The following RAB6A variants were observed in gnomAD, a reference collection of about 807,000 sequenced individuals.
RAB6A encodes the protein ras-related protein Rab-6A.
A neutral mutation model predicts 32.3 loss-of-function variants in RAB6A; 8 were observed. That is an observed-to-expected ratio of 0.25 (90% CI 0.15 to 0.45). The LOEUF (loss-of-function observed/expected upper bound fraction) is 0.45. Among genes scored for constraint, RAB6A ranks in the 20% least tolerant of loss-of-function variants. The probability of loss-of-function intolerance (pLI) is 1.00; values close to 1 mark genes in which losing one functional copy is unlikely to be tolerated. For missense variants in RAB6A, 104 were observed against 249.4 expected (o/e 0.42, Z 3.93); for synonymous variants, 73 against 82.1 (o/e 0.89, Z 0.60).
At chr11:73,723,084 T>C (rs1029993694) in intron 2 of RAB6A, among the ~76,000 whole-genome samples, 1 of 151,918 alleles carries the variant, frequency 6.6e-6, no homozygotes, top group Non-Finnish European at 1.5e-5. Flanking sequence ...GCCAGGATTA[T>C]AGGCATGAGC....
At chr11:73,760,295 G>A (rs892541252) in intron 1 of RAB6A, among the ~76,000 whole-genome samples, 1 of 152,144 alleles carries the variant, frequency 6.6e-6, no homozygotes, top group African/African-American at 2.4e-5. Flanking sequence ...GGCGGGGTGA[G>A]GTCTGGGGAG....
chr11:73,728,504 G>A (rs1946255850), intron 2 of RAB6A, among the ~76,000 whole-genome samples: 1 of 151,486 alleles, frequency 6.6e-6, no homozygotes, highest in Admixed American at 6.6e-5. Context: ...CAGGTGTGGT[G>A]GCTCATGCCT....
intron 2 of RAB6A, among the ~76,000 whole-genome samples, chr11:73,726,735 G>A (rs140680699): frequency 6.7e-6 from 1 of 150,094 alleles, no homozygotes; most frequent in Admixed American, 6.6e-5. Context: ...GGGTGACAGA[G>A]TGAAACCCTG....
chr11:73,760,427 G>C, intron 1 of RAB6A, 139 bp downstream of exon 1: 3 of 1,154,354 alleles, frequency 2.6e-6, no homozygotes, highest in Non-Finnish European at 3.6e-6. Context: ...GGCACCGGGG[G>C]GCACATCGGG....
At chr11:73,695,976 G>C (rs958368759) in intron 6 of RAB6A, among the ~76,000 whole-genome samples, 1 of 152,060 alleles carries the variant, frequency 6.6e-6, no homozygotes, top group African/African-American at 2.4e-5. Context: ...CACTGGAGAA[G>C]GAGATTTCAA....
chr11:73,708,329 T>C (rs535682145), intron 5 of RAB6A, among the ~76,000 whole-genome samples: 81 of 152,166 alleles, frequency 5.3e-4, no homozygotes, highest in African/African-American at 1.9e-3. Context: ...CCACCACACC[T>C]GAATAATTTT....
At chr11:73,698,849 A>ATT (rs555410867) in intron 6 of RAB6A, among the ~76,000 whole-genome samples, 1,945 of 118,238 alleles carry the variant, frequency 0.016, 75 homozygotes, top group South Asian at 0.054. Flanking sequence ...TTTTTTTGCG[A>ATT]TTTTTTTTTT....
intron 6 of RAB6A, among the ~76,000 whole-genome samples, chr11:73,704,927 CG>C (rs1169341361): frequency 6.6e-6 from 1 of 151,260 alleles, no homozygotes; most frequent in African/African-American, 2.4e-5. Flanking sequence ...ACCTGGGAGG[CG>C]GAGCTTGCAG....
chr11:73,681,415 G>A (rs1027032571), intron 6 of RAB6A, among the ~76,000 whole-genome samples: 1 of 152,196 alleles, frequency 6.6e-6, no homozygotes, highest in African/African-American at 2.4e-5. Context: ...TGCATAAAAT[G>A]CTCAGGGTTT....
chr11:73,711,829 CA>C (rs1484779338), intron 5 of RAB6A, among the ~76,000 whole-genome samples: 9 of 152,188 alleles, frequency 5.9e-5, no homozygotes, highest in African/African-American at 1.9e-4. Context: ...GAATCTGAGG[CA>C]AAAATATTTC....
intron 6 of RAB6A, among the ~76,000 whole-genome samples, chr11:73,706,042 T>C (rs1323571994): frequency 6.6e-6 from 1 of 152,140 alleles, no homozygotes; most frequent in Non-Finnish European, 1.5e-5. Context: ...ACCATGACCA[T>C]GAAACAATAT....
intron 5 of RAB6A, among the ~76,000 whole-genome samples, chr11:73,709,457 A>ATTATTT (rs1565357564): frequency 1.5e-5 from 2 of 133,754 alleles, no homozygotes; most frequent in East Asian, 2.0e-4. Context: ...TATTATTATT[A>ATTATTT]TTATTACTAT....
intron 6 of RAB6A, among the ~76,000 whole-genome samples, chr11:73,691,552 A>G (rs982643645): frequency 6.6e-6 from 1 of 152,136 alleles, no homozygotes; most frequent in African/African-American, 2.4e-5. Context: ...TAGACTTTAA[A>G]CTTCTGGAGA....
At chr11:73,749,315 A>C (rs555835211) in intron 1 of RAB6A, among the ~76,000 whole-genome samples, 1 of 152,248 alleles carries the variant, frequency 6.6e-6, no homozygotes, top group African/African-American at 2.4e-5. Flanking sequence ...AAGCTATGAG[A>C]ACACAAAGGA....
chr11:73,697,267 A>G (rs180905668), intron 6 of RAB6A, among the ~76,000 whole-genome samples: 74 of 152,124 alleles, frequency 4.9e-4, no homozygotes, highest in African/African-American at 1.8e-3. Flanking sequence ...AGACATCAAT[A>G]TATCATAATT....
At chr11:73,685,621 G>A (rs1945438949) in intron 6 of RAB6A, among the ~76,000 whole-genome samples, 1 of 31,740 alleles carries the variant, frequency 3.2e-5, no homozygotes, top group Non-Finnish European at 7.0e-5. Flanking sequence ...CCTCACGCCT[G>A]TAATCCCAGG....
chr11:73,689,603 A>G (rs1294068130), intron 6 of RAB6A, among the ~76,000 whole-genome samples: 3 of 151,912 alleles, frequency 2.0e-5, no homozygotes, highest in African/African-American at 7.3e-5. Flanking sequence ...TCTTTAGATA[A>G]CTCTTTCAAC....
chr11:73,704,100 C>T (rs1945794000), intron 6 of RAB6A: 3 of 246,554 alleles, frequency 1.2e-5, no homozygotes, highest in South Asian at 8.2e-5. Context: ...TACTAAAAAT[C>T]GACCAGGCAG....
chr11:73,723,740 T>G (rs1946176159), intron 2 of RAB6A, among the ~76,000 whole-genome samples: 1 of 152,146 alleles, frequency 6.6e-6, no homozygotes, highest in South Asian at 2.1e-4. Flanking sequence ...GGTTACAGTC[T>G]GCTAAGACAA....
Sources: gnomAD v4.1 joint callset for allele counts (sites outside exome capture counted in the v4.1 genomes callset) on GRCh38, gnomAD v4.1.1 for gene constraint, MANE v1.5 for transcripts, NCBI Gene and HGNC (gene_info 2026-07-23, HGNC 2026-07-21) for gene names.